Variants in KLF17 observed in about 807,000 individuals in gnomAD.
KLF17 encodes Krueppel-like factor 17.
In KLF17, 31 loss-of-function variants were observed where a neutral mutation model predicts 34.2. The ratio of observed to expected loss-of-function variants is 0.91; its 90% confidence interval spans 0.68 to 1.22. The LOEUF (loss-of-function observed/expected upper bound fraction) is 1.22. KLF17 is among the 50% of genes most tolerant of loss of function. The pLI, the probability that KLF17 is intolerant of heterozygous loss-of-function variation, is 0.00. For synonymous variants in KLF17, 179 were observed against 186.7 expected (o/e 0.96, Z 0.34); for missense variants, 478 against 505.2 (o/e 0.95, Z 0.52).
chr1:44,104,573 A>G, the KLF17 span: 6 of 660,204 alleles, frequency 9.1e-6, no homozygotes, highest in Non-Finnish European at 1.7e-5. Flanking sequence ...GTTGACTGTG[A>G]CAGCAGTGAT....
chr1:44,087,832 A>G, the KLF17 span: 73 of 147,708 alleles, frequency 4.9e-4, no homozygotes, highest in African/African-American at 1.8e-3. Context: ...ACACACATAT[A>G]TATAATATAT....
the KLF17 span, among the ~76,000 whole-genome samples, chr1:44,066,780 G>C: frequency 4.0e-3 from 609 of 152,242 alleles, 4 homozygotes; most frequent in Middle Eastern, 0.014. Context: ...AATGCCTGGT[G>C]ACTACAGAGT....
the KLF17 span, among the ~76,000 whole-genome samples, chr1:44,096,820 T>C: frequency 7.9e-5 from 12 of 152,316 alleles, no homozygotes; most frequent in East Asian, 9.6e-4. Flanking sequence ...GTTCAGAAGC[T>C]CTTTAGTTTA....
At chr1:44,084,684 A>G in the KLF17 span, among the ~76,000 whole-genome samples, 1 of 151,384 alleles carries the variant, frequency 6.6e-6, no homozygotes, top group East Asian at 1.9e-4. Flanking sequence ...TGTCTCAAAA[A>G]AAAAAAAAAA....
the KLF17 span, chr1:44,051,247 A>T: frequency 5.2e-5 from 8 of 152,412 alleles, no homozygotes; most frequent in African/African-American, 1.7e-4. Context: ...GAGTTGTAAC[A>T]CTAACCAAAG....
chr1:44,106,945 T>A, the KLF17 span: 90 of 152,342 alleles, frequency 5.9e-4, no homozygotes, highest in African/African-American at 1.9e-3. Context: ...TTCCTTTTTT[T>A]ATTCAAATAG....
the KLF17 span, chr1:44,103,273 G>A: frequency 1.4e-6 from 1 of 702,126 alleles, no homozygotes; most frequent in South Asian, 1.6e-5. Flanking sequence ...GCAGCCGCAG[G>A]AGGGGCAGGC....
the KLF17 span, among the ~76,000 whole-genome samples, chr1:44,090,306 CAAAAAAAAAAAAAAAAA>C: frequency 7.7e-4 from 18 of 23,416 alleles, no homozygotes; most frequent in African/African-American, 3.5e-3. Flanking sequence ...CTTGTCTCTA[CAAAAAAAAAAAAAAAAA>C]AAAAAAAAAA....
At chr1:44,074,148 T>C in the KLF17 span, among the ~76,000 whole-genome samples, 1 of 152,120 alleles carries the variant, frequency 6.6e-6, no homozygotes, top group Non-Finnish European at 1.5e-5. Flanking sequence ...TCCTTCCCCA[T>C]CTGTCCAAGC....
At chr1:44,090,960 G>GCA in the KLF17 span, among the ~76,000 whole-genome samples, 58,521 of 150,040 alleles carry the variant, frequency 0.39, 11,458 homozygotes, top group Non-Finnish European at 0.42. Context: ...ACGCACGCAT[G>GCA]CACACACACA....
At chr1:44,065,766 T>C in the KLF17 span, among the ~76,000 whole-genome samples, 2 of 152,084 alleles carry the variant, frequency 1.3e-5, no homozygotes, top group South Asian at 4.1e-4. Flanking sequence ...TTAGAAGAAA[T>C]AAAAATACAT....
At chr1:44,081,646 C>T in the KLF17 span, among the ~76,000 whole-genome samples, 8 of 152,086 alleles carry the variant, frequency 5.3e-5, no homozygotes, top group Admixed American at 3.9e-4. Context: ...GTCTTGAACT[C>T]GTGACCTCAA....
the KLF17 span, among the ~76,000 whole-genome samples, chr1:44,111,995 T>C: frequency 1.1e-3 from 174 of 152,338 alleles, no homozygotes; most frequent in African/African-American, 4.0e-3. Flanking sequence ...AATGTCCTTT[T>C]CCAGGATCCT....
At chr1:44,132,716 G>C (rs2088125622) in intron 3 of KLF17, among the ~76,000 whole-genome samples, 1 of 135,620 alleles carries the variant, frequency 7.4e-6, no homozygotes, top group Non-Finnish European at 1.6e-5. Flanking sequence ...GAATCTCACT[G>C]TAACTTCTTC....
chr1:44,079,931 T>C, the KLF17 span, among the ~76,000 whole-genome samples: 1 of 151,762 alleles, frequency 6.6e-6, no homozygotes, highest in Non-Finnish European at 1.5e-5. Flanking sequence ...CATGTCTTTT[T>C]TTTTTTTCTT....
intron 1 of KLF17, among the ~76,000 whole-genome samples, chr1:44,125,500 C>T (rs547055456): frequency 7.9e-5 from 12 of 152,136 alleles, no homozygotes; most frequent in South Asian, 4.2e-4. Context: ...ATTTTTGAGA[C>T]GGGGTCTCAC....
At chr1:44,121,940 GCCATTCA>G (rs1434501517) in intron 1 of KLF17, among the ~76,000 whole-genome samples, 2 of 152,186 alleles carry the variant, frequency 1.3e-5, no homozygotes, top group Admixed American at 1.3e-4. Context: ...TTCCCTACCA[GCCATTCA>G]CCTACTGGTT....
Position 44,129,584 on chromosome 1 carries a change from A to G in KLF17, c.313A>G (p.Thr105Ala). 6.2e-7 allele frequency: 1 copy of G among 1,613,234 alleles called. No homozygotes were observed. ...ERGMSYCPQA[T>A]LTPSRMIYCQ... ...TGGTATGAGCTACTGCCCCCAAGCG[A>G]CTCTCACTCCTTCCCGGATGATTTA... The change falls in exon 2 of 4, where the codon ACT (threonine) becomes GCT (alanine). Residue 105 changes from threonine (T) to alanine (A), a missense_variant. Thr to Ala is a moderately conservative substitution (Grantham distance 58). Coordinates refer to ENST00000372299, the MANE Select transcript of KLF17 (RefSeq NM_173484.4).
At chr1:44,078,331 C>T in the KLF17 span, among the ~76,000 whole-genome samples, 1 of 152,120 alleles carries the variant, frequency 6.6e-6, no homozygotes, top group Non-Finnish European at 1.5e-5. Context: ...GTAAACATTT[C>T]TGCTTTGTCA....
Sources: allele counts gnomAD v4.1 joint callset (sites outside exome capture counted in the v4.1 genomes callset), GRCh38; gene constraint gnomAD v4.1.1; transcripts MANE v1.5; gene names NCBI Gene and HGNC (gene_info 2026-07-23, HGNC 2026-07-21).